UTS2: variants seen among roughly 807,000 people sequenced by gnomAD.
The protein encoded by UTS2 is urotensin 2.
UTS2 carries 10 observed loss-of-function variants against 12.6 expected under a neutral mutation model. The observed-to-expected ratio is 0.80, with a 90% CI of 0.49 to 1.35. UTS2 has a LOEUF of 1.35. Among genes scored for constraint, UTS2 ranks in the 40% most tolerant of loss-of-function variants. The pLI is 0.00. For missense variants in UTS2, 142 were observed against 143.2 expected, an observed-to-expected ratio of 0.99 and a Z score of 0.04; for synonymous variants, 52 against 50.0, an observed-to-expected ratio of 1.04 and a Z score of -0.17.
the UTS2 span, among the ~76,000 whole-genome samples, chr1:7,907,311 AAG>A: frequency 6.6e-6 from 1 of 151,660 alleles, no homozygotes; most frequent in Non-Finnish European, 1.5e-5. Context: ...TAAAAAGTGA[AAG>A]AGTGTGAGTG....
chr1:7,871,341 C>T, the UTS2 span, among the ~76,000 whole-genome samples: 1 of 92,060 alleles, frequency 1.1e-5, no homozygotes, highest in Non-Finnish European at 2.2e-5. Flanking sequence ...ACACAACGTG[C>T]TCTCTCTATG....
At chr1:7,863,344 C>T in the UTS2 span, among the ~76,000 whole-genome samples, 2 of 152,104 alleles carry the variant, frequency 1.3e-5, no homozygotes, top group Admixed American at 6.6e-5. Context: ...CTCCCGACCT[C>T]AGGTGATCTG....
chr1:7,895,048 A>T, the UTS2 span, among the ~76,000 whole-genome samples: 1 of 151,376 alleles, frequency 6.6e-6, no homozygotes, highest in Non-Finnish European at 1.5e-5. Flanking sequence ...GTGCATAAGG[A>T]CAGCATATGA....
upstream of UTS2, among the ~76,000 whole-genome samples, chr1:7,854,882 C>T (rs992559318): frequency 3.9e-5 from 6 of 152,028 alleles, no homozygotes; most frequent in African/African-American, 1.5e-4. Flanking sequence ...TAATCATGGC[C>T]AGGCACAGTG....
chr1:7,906,449 G>GAGAGAGAGAGAAAGAA, the UTS2 span, among the ~76,000 whole-genome samples: 1 of 73,226 alleles, frequency 1.4e-5, no homozygotes, highest in Admixed American at 1.7e-4. Context: ...GAAAGAAAAA[G>GAGAGAGAGAGAAAGAA]AGAAAGAAAG....
At chr1:7,870,622 G>A in the UTS2 span, among the ~76,000 whole-genome samples, 660 of 152,288 alleles carry the variant, frequency 4.3e-3, 3 homozygotes, top group Non-Finnish European at 6.7e-3. Context: ...CACTGAAACC[G>A]TAACTAAGCT....
chr1:7,855,298 G>A (rs1232284560), upstream of UTS2, among the ~76,000 whole-genome samples: 4 of 151,806 alleles, frequency 2.6e-5, no homozygotes. Context: ...AAATGAAAAA[G>A]CCGAGCAAGG....
At chr1:7,866,083 TG>T in the UTS2 span, among the ~76,000 whole-genome samples, 69 of 152,350 alleles carry the variant, frequency 4.5e-4, no homozygotes, top group African/African-American at 1.5e-3. The surrounding 1 kb of genome is among the most constrained non-coding windows in gnomAD (Gnocchi z 4.5). Context: ...GAAAGGGCTC[TG>T]GGCCAGGGTT....
the UTS2 span, among the ~76,000 whole-genome samples, chr1:7,904,228 G>A: frequency 6.6e-6 from 1 of 151,820 alleles, no homozygotes. Flanking sequence ...ACTTTGGGAG[G>A]CCCAAGGCGG....
the UTS2 span, among the ~76,000 whole-genome samples, chr1:7,864,099 A>G: frequency 6.6e-6 from 1 of 152,246 alleles, no homozygotes; most frequent in Non-Finnish European, 1.5e-5. Flanking sequence ...CCTGGATTCA[A>G]GGGCTGGTGT....
At chr1:7,891,576 G>GAAAGAAAGAAAA in the UTS2 span, among the ~76,000 whole-genome samples, 12 of 150,690 alleles carry the variant, frequency 8.0e-5, no homozygotes, top group African/African-American at 2.5e-4. Flanking sequence ...AAGAAAGAAA[G>GAAAGAAAGAAAA]AAAGAAAGAA....
the UTS2 span, among the ~76,000 whole-genome samples, chr1:7,863,021 TTGTATTGTATTG>T: frequency 1.3e-4 from 3 of 23,900 alleles, no homozygotes; most frequent in Non-Finnish European, 2.1e-4. Flanking sequence ...TTGTATTGTA[TTGTATTGTATTG>T]TATTGTATTG....
At chr1:7,857,171 A>G (rs1236662884), upstream of UTS2, among the ~76,000 whole-genome samples, 2 of 132,722 alleles carry the variant, frequency 1.5e-5, no homozygotes, top group African/African-American at 5.5e-5. Flanking sequence ...GACACTGGAT[A>G]GCTTCCAGAA....
At chr1:7,901,630 G>GTA in the UTS2 span, among the ~76,000 whole-genome samples, 59,714 of 150,654 alleles carry the variant, frequency 0.4, 13,422 homozygotes, top group East Asian at 0.56. Flanking sequence ...GTGTGTGTGT[G>GTA]TATATATATA....
chr1:7,908,729 G>C, the UTS2 span, among the ~76,000 whole-genome samples: 1 of 152,068 alleles, frequency 6.6e-6, no homozygotes, highest in African/African-American at 2.4e-5. Context: ...AGGAAAAAGA[G>C]GTTTAATGGA....
At chr1:7,848,780 G>A (rs559415203) in intron 3 of UTS2, among the ~76,000 whole-genome samples, 3 of 152,124 alleles carry the variant, frequency 2.0e-5, no homozygotes, top group Admixed American at 6.5e-5. Flanking sequence ...TCGGCCTCCC[G>A]TGCTGGGATG....
At chr1:7,885,582 G>A in the UTS2 span, among the ~76,000 whole-genome samples, 2 of 152,108 alleles carry the variant, frequency 1.3e-5, no homozygotes, top group Non-Finnish European at 2.9e-5. Flanking sequence ...CCTGGATAGA[G>A]ACGGGGCCGG....
At chr1:7,907,538 G>C in the UTS2 span, among the ~76,000 whole-genome samples, 1 of 151,374 alleles carries the variant, frequency 6.6e-6, no homozygotes, top group Non-Finnish European at 1.5e-5. Flanking sequence ...AGAAGTCGTA[G>C]CTACTCAGGA....
the UTS2 span, among the ~76,000 whole-genome samples, chr1:7,904,765 C>T: frequency 6.6e-6 from 1 of 151,684 alleles, no homozygotes; most frequent in Non-Finnish European, 1.5e-5. Flanking sequence ...ATTAGCCGGG[C>T]GTGGTGGTGG....
Sources: allele counts gnomAD v4.1 joint callset (sites outside exome capture counted in the v4.1 genomes callset), GRCh38; gene constraint gnomAD v4.1.1; non-coding constraint Gnocchi (gnomAD v3.1); transcripts MANE v1.5; gene names NCBI Gene and HGNC (gene_info 2026-07-23, HGNC 2026-07-21).